Variants in METTL15 observed in about 807,000 individuals in gnomAD.
METTL15 encodes the protein 12S rRNA N(4)-cytidine methyltransferase METTL15.
A neutral mutation model predicts 38.3 loss-of-function variants in METTL15; 34 were observed. That is an observed-to-expected ratio of 0.89 (90% confidence interval 0.68 to 1.18). METTL15 has a LOEUF of 1.18. Ranked by LOEUF, METTL15 falls within the 50% of genes most tolerant of loss-of-function variation. The pLI, the probability that METTL15 is intolerant of heterozygous loss-of-function variation, is 0.00. For synonymous variants in METTL15, 162 were observed against 170.9 expected, an observed-to-expected ratio of 0.95 and a Z score of 0.41; for missense variants, 438 against 498.4, an observed-to-expected ratio of 0.88 and a Z score of 1.15.
chr11:28,434,500 T>G (rs1230643949), intron 6 of METTL15, among the ~76,000 whole-genome samples: 1 of 152,232 alleles, frequency 6.6e-6, no homozygotes, highest in African/African-American at 2.4e-5. Context: ...TCCATCTGTT[T>G]GTAAATTTAG....
chr11:28,296,656 G>A, intron 5 of METTL15, 97 bp from the exon 6 acceptor site: 1 of 1,233,214 alleles, frequency 8.1e-7, no homozygotes. Flanking sequence ...CCTAGAGTAT[G>A]TGTGTGTGTC....
chr11:28,109,323 G>C (rs1390801933), intron 1 of METTL15, among the ~76,000 whole-genome samples: 1 of 152,178 alleles, frequency 6.6e-6, no homozygotes, highest in Non-Finnish European at 1.5e-5. Flanking sequence ...GGTTATTTGT[G>C]TGCTGCTGGT....
intron 6 of METTL15, chr11:28,328,178 C>A: frequency 6.2e-7 from 1 of 1,606,426 alleles, no homozygotes; most frequent in Non-Finnish European, 8.5e-7. Context: ...AAGAAGCTGG[C>A]CTTCCTTTTC....
chr11:28,178,970 T>A (rs1003732834), intron 3 of METTL15, among the ~76,000 whole-genome samples: 2 of 151,830 alleles, frequency 1.3e-5, no homozygotes, highest in African/African-American at 4.8e-5. Flanking sequence ...CTATAATGAT[T>A]GATACTCACT....
rs565824696 is a variant in METTL15, at chr11:28,231,639, C to G, written c.407+20441C>G. Among the ~76,000 whole-genome samples the G allele has an allele frequency of 1.0e-3, 153 of 151,976 alleles. 2 individuals carry two copies. Among genetic ancestry groups the G allele is most frequent in the South Asian group, 1.4e-3 (7 of 4,832 alleles). On this transcript the variant is annotated intron_variant, in intron 4 of 6. Transcript: ENST00000407364. ...TTTCATACCCTCCTTGAAATCTAAA[C>G]TACTTTCACATTAGCTCACAATGTT...
intron 2 of METTL15, among the ~76,000 whole-genome samples, chr11:28,110,727 T>C (rs1397134915): frequency 6.6e-6 from 1 of 152,200 alleles, no homozygotes; most frequent in Non-Finnish European, 1.5e-5. Flanking sequence ...CCAGACAAAA[T>C]TGACTGCAAT....
At chr11:28,511,159 T>C (rs558768041) in intron 6 of METTL15, among the ~76,000 whole-genome samples, 28 of 152,324 alleles carry the variant, frequency 1.8e-4, no homozygotes, top group African/African-American at 5.3e-4. Flanking sequence ...GATGGTATAG[T>C]TGACCCTTGA....
At chr11:28,181,729 G>A (rs1851297772) in intron 3 of METTL15, among the ~76,000 whole-genome samples, 1 of 152,072 alleles carries the variant, frequency 6.6e-6, no homozygotes, top group Admixed American at 6.6e-5. Flanking sequence ...GTGTGTGCAT[G>A]TGTCTTTATA....
At chr11:28,300,026 A>G (rs899790044) in intron 6 of METTL15, among the ~76,000 whole-genome samples, 3 of 152,106 alleles carry the variant, frequency 2.0e-5, no homozygotes, top group African/African-American at 7.2e-5. Context: ...AATCCAGTAT[A>G]TCCTAATCTT....
intron 5 of METTL15, among the ~76,000 whole-genome samples, chr11:28,408,456 C>T (rs984650801): frequency 6.6e-6 from 1 of 152,090 alleles, no homozygotes; most frequent in Admixed American, 6.6e-5. Context: ...CTATTCACAA[C>T]CTTCACTCCA....
chr11:28,504,524 T>TA (rs1399281338), intron 6 of METTL15, among the ~76,000 whole-genome samples: 2 of 152,156 alleles, frequency 1.3e-5, no homozygotes, highest in Non-Finnish European at 2.9e-5. Context: ...CAAGATTTTT[T>TA]AAAAAAATAT....
At chr11:28,390,800 A>C (rs1318516633) in intron 5 of METTL15, among the ~76,000 whole-genome samples, 2 of 152,146 alleles carry the variant, frequency 1.3e-5, no homozygotes. Context: ...ATGGCATTGA[A>C]TCTATAAATT....
intron 3 of METTL15, among the ~76,000 whole-genome samples, chr11:28,171,125 C>T (rs908906638): frequency 3.3e-5 from 5 of 152,144 alleles, no homozygotes; most frequent in African/African-American, 1.2e-4. Context: ...TTGTTGACAT[C>T]TCTCATCTTT....
At chr11:28,132,039 C>T (rs1364812379) in intron 3 of METTL15, among the ~76,000 whole-genome samples, 1 of 151,984 alleles carries the variant, frequency 6.6e-6, no homozygotes, top group Non-Finnish European at 1.5e-5. Flanking sequence ...GATGTAAAAC[C>T]CATAGTGAAG....
chr11:28,437,578 AT>A (rs1466944321), intron 6 of METTL15, among the ~76,000 whole-genome samples: 1 of 152,182 alleles, frequency 6.6e-6, no homozygotes, highest in Non-Finnish European at 1.5e-5. Context: ...TGCCCTTGTG[AT>A]TTCAGCAGAT....
intron 6 of METTL15, among the ~76,000 whole-genome samples, chr11:28,473,917 C>T (rs1851322933): frequency 6.6e-6 from 1 of 151,790 alleles, no homozygotes; most frequent in African/African-American, 2.4e-5. Context: ...GTTTTTATGC[C>T]ACACCCTTTC....
At chr11:28,221,055 C>T (rs1247921781) in intron 4 of METTL15, among the ~76,000 whole-genome samples, 3 of 152,046 alleles carry the variant, frequency 2.0e-5, no homozygotes, top group Non-Finnish European at 2.9e-5. Context: ...TTGCTATTCT[C>T]GTGGAGTATC....
chr11:28,340,925 T>G (rs1849946182), intron 3 of METTL15, among the ~76,000 whole-genome samples: 1 of 152,148 alleles, frequency 6.6e-6, no homozygotes, highest in Non-Finnish European at 1.5e-5. Context: ...CCAACCCAAA[T>G]GCCCATCAAT....
intron 4 of METTL15, among the ~76,000 whole-genome samples, chr11:28,229,424 A>G (rs993009056): frequency 1.3e-5 from 2 of 151,954 alleles, no homozygotes; most frequent in African/African-American, 4.8e-5. Flanking sequence ...TGTCAGTGTA[A>G]ATACTGAAGG....
Sources: allele counts gnomAD v4.1 joint callset (sites outside exome capture counted in the v4.1 genomes callset), GRCh38; gene constraint gnomAD v4.1.1; transcripts MANE v1.5; gene names NCBI Gene and HGNC (gene_info 2026-07-23, HGNC 2026-07-21).